PPM1H: variants seen among roughly 807,000 people sequenced by gnomAD.
The protein encoded by PPM1H is protein phosphatase, Mg2+/Mn2+ dependent 1H, also known as protein phosphatase 1H.
Under a neutral mutation model 54.9 loss-of-function variants are expected in PPM1H, and 27 were observed. The ratio of observed to expected loss-of-function variants is 0.49; its 90% CI spans 0.36 to 0.68. The LOEUF (loss-of-function observed/expected upper bound fraction) is 0.68, where lower values mean the gene tolerates loss of function less well. PPM1H is among the 30% of genes least tolerant of loss of function. The probability of loss-of-function intolerance (pLI) is 0.00; values close to 1 mark genes in which losing one functional copy is unlikely to be tolerated. For synonymous variants in PPM1H, 305 were observed against 270.8 expected, an observed-to-expected ratio of 1.13 and a Z score of -1.24; for missense variants, 596 against 667.8, an observed-to-expected ratio of 0.89 and a Z score of 1.19.
At chr12:62,911,710 G>A (rs992191667) in intron 1 of PPM1H, among the ~76,000 whole-genome samples, 30 of 152,222 alleles carry the variant, frequency 2.0e-4, no homozygotes, top group Admixed American at 3.9e-4. Context: ...CAGGCACCAC[G>A]CTTTCCCTCT....
chr12:62,889,655 G>T (rs1870714741), intron 1 of PPM1H, among the ~76,000 whole-genome samples: 1 of 152,116 alleles, frequency 6.6e-6, no homozygotes, highest in South Asian at 2.1e-4. Context: ...TGACAAAGGA[G>T]CAAGAGCAAT....
At chr12:62,756,433 C>CAA (rs35608002) in intron 4 of PPM1H, among the ~76,000 whole-genome samples, 5 of 138,172 alleles carry the variant, frequency 3.6e-5, no homozygotes, top group African/African-American at 8.0e-5. Context: ...TGCACTCAGC[C>CAA]AAAAAAAAAA....
chr12:62,881,082 C>G (rs1450467950), intron 1 of PPM1H, among the ~76,000 whole-genome samples: 1 of 152,174 alleles, frequency 6.6e-6, no homozygotes, highest in African/African-American at 2.4e-5. Flanking sequence ...CAAAGTTGCC[C>G]TAGTTAAGAA....
intron 4 of PPM1H, among the ~76,000 whole-genome samples, chr12:62,767,998 T>C (rs2076554402): frequency 6.6e-6 from 1 of 152,212 alleles, no homozygotes; most frequent in Middle Eastern, 3.2e-3. Flanking sequence ...TAATTATATC[T>C]ACCAAGATCC....
intron 4 of PPM1H, among the ~76,000 whole-genome samples, chr12:62,739,343 C>G (rs1407161099): frequency 1.3e-5 from 2 of 152,012 alleles, no homozygotes; most frequent in Non-Finnish European, 2.9e-5. Context: ...GTGAGTATGA[C>G]TATAACAAGG....
intron 1 of PPM1H, among the ~76,000 whole-genome samples, chr12:62,859,523 C>A (rs1869520342): frequency 6.6e-6 from 1 of 152,216 alleles, no homozygotes; most frequent in Non-Finnish European, 1.5e-5. Flanking sequence ...GATCCTTTCA[C>A]ATCTGCAGCT....
At chr12:62,829,966 G>A (rs4763031) in intron 2 of PPM1H, among the ~76,000 whole-genome samples, 12,180 of 152,216 alleles carry the variant, frequency 0.08, 786 homozygotes, top group African/African-American at 0.18. Context: ...AACACTTCAC[G>A]CTTTCCAAGC....
At chr12:62,664,073 T>C (rs2075902931) in intron 9 of PPM1H, among the ~76,000 whole-genome samples, 1 of 62,868 alleles carries the variant, frequency 1.6e-5, no homozygotes, top group Non-Finnish European at 3.0e-5. Context: ...AAGTCAGCCC[T>C]TAGGGCCTCA....
chr12:62,656,553 G>A (rs4143878), intron 9 of PPM1H, among the ~76,000 whole-genome samples: 94,421 of 152,068 alleles, frequency 0.62, 29,568 homozygotes, highest in Middle Eastern at 0.75. Flanking sequence ...GGCTATCACC[G>A]TATCTTAAAG....
intron 3 of PPM1H, among the ~76,000 whole-genome samples, chr12:62,793,740 C>CAAAAAAAAAAAAAAAAAAA (rs34457644): frequency 1.6e-4 from 10 of 61,224 alleles, no homozygotes; most frequent in African/African-American, 2.8e-4. Flanking sequence ...AACTCCGTTT[C>CAAAAAAAAAAAAAAAAAAA]AAAAAAAAAA....
rs895051619 is a variant in PPM1H at position 62,645,892 on chromosome 12, C to G, written c.*2597G>C. On this transcript the variant is annotated 3_prime_UTR_variant, in exon 10 of 10. Transcript: ENST00000228705. ...GCGTCCTTTGACTTTTCCAGGGATG[C>G]ACCAGGGGCCAACCCGTTATGTAGA... 1.3e-5 allele frequency: 2 copies of G among 152,174 alleles called. No individual in the cohort carries two copies. Among genetic ancestry groups the G allele is most frequent in the Non-Finnish European group, 2.9e-5 (2 of 68,036 alleles). The allele number at this position is 152,174 out of a possible 1,614,324, so 9.4% of individuals were successfully genotyped here.
chr12:62,853,039 T>C (rs1032162216), intron 1 of PPM1H, among the ~76,000 whole-genome samples: 4 of 151,962 alleles, frequency 2.6e-5, no homozygotes, highest in Non-Finnish European at 5.9e-5. Flanking sequence ...CTTCAAAAGG[T>C]CAACCTTATA....
At chr12:62,808,779 G>C (rs1405197010) in intron 2 of PPM1H, among the ~76,000 whole-genome samples, 1 of 152,106 alleles carries the variant, frequency 6.6e-6, no homozygotes, top group Non-Finnish European at 1.5e-5. Context: ...TTGAGGGCTA[G>C]GGTGACATTC....
intron 4 of PPM1H, chr12:62,755,330 C>T: frequency 2.6e-6 from 3 of 1,146,006 alleles, no homozygotes; most frequent in South Asian, 2.4e-5. Flanking sequence ...ATCAATGACC[C>T]CTTCATTGAC....
chr12:62,892,814 T>A (rs1870846064), intron 1 of PPM1H, among the ~76,000 whole-genome samples: 1 of 152,250 alleles, frequency 6.6e-6, no homozygotes, highest in Admixed American at 6.5e-5. Flanking sequence ...AATGTACATT[T>A]CAAAAGTAAG....
intron 1 of PPM1H, among the ~76,000 whole-genome samples, chr12:62,901,232 C>A (rs956659744): frequency 6.6e-6 from 1 of 152,210 alleles, no homozygotes; most frequent in African/African-American, 2.4e-5. Flanking sequence ...GGGCAACAGC[C>A]AATCACTTTT....
intron 1 of PPM1H, among the ~76,000 whole-genome samples, chr12:62,872,729 G>A (rs1272109057): frequency 6.6e-6 from 1 of 152,000 alleles, no homozygotes. Flanking sequence ...CAGGATGTGT[G>A]GAAATTCTTT....
At chr12:62,764,426 AT>A (rs1190524250) in intron 4 of PPM1H, among the ~76,000 whole-genome samples, 2 of 152,218 alleles carry the variant, frequency 1.3e-5, no homozygotes, top group African/African-American at 2.4e-5. Context: ...GCTATTCTGA[AT>A]AAAAACATTC....
At chr12:62,678,227 A>C (rs1229822327) in intron 8 of PPM1H, among the ~76,000 whole-genome samples, 1 of 152,266 alleles carries the variant, frequency 6.6e-6, no homozygotes, top group African/African-American at 2.4e-5. Flanking sequence ...AATTACAGGC[A>C]TGAGTCACCA....
Sources: allele counts gnomAD v4.1 joint callset (sites outside exome capture counted in the v4.1 genomes callset), GRCh38; gene constraint gnomAD v4.1.1; transcripts MANE v1.5; gene names NCBI Gene and HGNC (gene_info 2026-07-23, HGNC 2026-07-21).